JAG2: variants seen among roughly 807,000 people sequenced by gnomAD.
JAG2 encodes jagged canonical Notch ligand 2, also known as protein jagged-2.
In JAG2, 46 loss-of-function variants were observed where a neutral mutation model predicts 141.7. The observed-to-expected ratio is 0.32, with a 90% CI of 0.26 to 0.42. The LOEUF is 0.42. Among genes scored for constraint, JAG2 ranks in the 10% least tolerant of loss-of-function variants. The pLI is 1.00. For synonymous variants in JAG2, 862 were observed against 763.5 expected (o/e 1.13, Z -2.13); for missense variants, 1,500 against 1,817.5 (o/e 0.83, Z 3.18).
Position 105,151,031 on chromosome 14 carries a change from A to G in JAG2, c.1341T>C (p.Cys447=), listed in dbSNP as rs1448992783. 6.2e-7 allele frequency: 1 copy of G among 1,613,154 alleles called. No homozygotes were observed. The highest frequency in any genetic ancestry group is 1.1e-5 in the South Asian group (1 of 91,066). The change falls in exon 10 of 26, where the codon TGT becomes TGC. Residue 447 remains cysteine (C), a synonymous_variant. Transcript: ENST00000331782. ...SCKNLIGGYY[C]DCIPGWKGIN... ...TGCCCTTCCAGCCCGGGATGCAATC[A>G]CAGTAATAGCCGCCAATCAGGTTTT...
rs370539336 is a variant in JAG2 at position 105,146,584 on chromosome 14, A to G, written c.2593+27T>C. On this transcript the variant is annotated intron_variant, in intron 21 of 25. Transcript: ENST00000331782. ...TCACCCATGCCCCCCAACCCGCCCC[A>G]ACCCAGGGCAATCACACGGGGCCTA... 1.9e-5 allele frequency: 31 copies of G among 1,602,884 alleles called. No individual in the cohort carries two copies. In the African/African-American group the frequency reaches 3.7e-4, roughly 19 times the overall value.
At chr14:105,163,151 G>A (rs587634299) in intron 2 of JAG2, among the ~76,000 whole-genome samples, 13 of 152,326 alleles carry the variant, frequency 8.5e-5, no homozygotes, top group African/African-American at 2.6e-4. Flanking sequence ...GGAGCACAGC[G>A]CTTGGTGCAG....
intron 2 of JAG2, among the ~76,000 whole-genome samples, chr14:105,158,632 G>A (rs1888645268): frequency 6.6e-6 from 1 of 151,968 alleles, no homozygotes; most frequent in African/African-American, 2.4e-5. Context: ...GACATGCCCT[G>A]TACTACCCAG....
chr14:105,166,293 C>G (rs1248157223), intron 2 of JAG2, among the ~76,000 whole-genome samples: 1 of 152,264 alleles, frequency 6.6e-6, no homozygotes. Flanking sequence ...CCCCCACACC[C>G]ACTGCTGCCA....
rs1010282236 is a variant in JAG2, at chr14:105,167,566, C to T, written c.417+191G>A. Among the ~76,000 whole-genome samples the T allele has an allele frequency of 2.7e-5, 4 of 147,286 alleles. No individual in the cohort carries two copies. Among genetic ancestry groups the T allele is most frequent in the African/African-American group, 9.8e-5 (4 of 40,878 alleles). ...GACCCCGCTCCCGGTGGCCCCGGGG[C>T]CCCGGCGCGCCCACGTGGCCAGGCG... On this transcript the variant is annotated intron_variant, in intron 2 of 25. Transcript: ENST00000331782. This position sits in a 1 kb window ranked among gnomAD's most constrained non-coding sequence, Gnocchi z 4.8.
chr14:105,166,363 G>A (rs1463329527), intron 2 of JAG2, among the ~76,000 whole-genome samples: 2 of 152,282 alleles, frequency 1.3e-5, no homozygotes, highest in Non-Finnish European at 2.9e-5. Context: ...TCAGGCCCAG[G>A]TGCAGATGAC....
At position 105,150,894 on chromosome 14, in the gene JAG2, C is replaced by T. The variant is rs780937932; in HGVS notation, c.1399G>A (p.Gly467Arg). ...CAGGTGCCCCCATGCTGACACTGCC[C>T]GCGACAGTCGTTGACGTCTGGGGGC... ...NCHINVNDCR[G>R]QCQHGGTCKD... Residue 467 changes from glycine (G) to arginine (R), a missense_variant, in exon 11 of 26, where the codon GGG becomes AGG. Transcript: ENST00000331782. 4.4e-6 allele frequency: 7 copies of T among 1,590,926 alleles called. No individual in the cohort carries two copies. Among genetic ancestry groups the T allele is most frequent in the East Asian group, 2.3e-5 (1 of 43,572 alleles).
At position 105,146,452 on chromosome 14, in the gene JAG2, T is replaced by C; in HGVS notation, c.2642A>G (p.His881Arg). The C allele has an allele frequency of 6.2e-7, 1 of 1,612,726 alleles. No individual in the cohort carries two copies. Among genetic ancestry groups the C allele is most frequent in the Non-Finnish European group, 8.5e-7 (1 of 1,179,882 alleles). ...GCAGTCTTCCACCCAGGAGCTTCCG[T>C]GTGGGAACGGAGTGCCCCGGGACCA... is the stretch of plus-strand genomic sequence containing the variant. ...SCWSRGTPFP[H>R]GSSWVEDCNS... The change falls in exon 22 of 26, where the codon CAC (histidine) becomes CGC (arginine). Residue 881 changes from histidine (H) to arginine (R), a missense_variant. Transcript: ENST00000331782.
At chr14:105,143,203 G>A (rs375246254) in intron 25 of JAG2, 33 bp from the exon 26 acceptor site, 159 of 1,583,680 alleles carry the variant, frequency 1.0e-4, no homozygotes, top group Admixed American at 1.5e-4. Context: ...GGTGGGCAAT[G>A]AGGCCTGGGC....
In JAG2 at chr14:105,154,068, C is replaced by T. The variant is rs77103852; in HGVS notation, c.788+1494G>A. ...CTTGCCTCCCCGCTCTGGGACTGGC[C>T]GGGAAAGCTCCTCACTGTACCCTCC... is the stretch of plus-strand genomic sequence containing the variant. On this transcript the variant is annotated intron_variant, in intron 5 of 25. Transcript: ENST00000331782. This position sits in a 1 kb window ranked among gnomAD's most constrained non-coding sequence, Gnocchi z 4.4. 3.2e-3 allele frequency among the ~76,000 whole-genome samples: 489 copies of T among 152,144 alleles called. 3 individuals are homozygous for T. Among genetic ancestry groups the T allele is most frequent in the African/African-American group, 0.011 (457 of 41,486 alleles).
In JAG2 at chr14:105,149,068, T is replaced by A. The variant is rs1481082995; in HGVS notation, c.1775A>T (p.Asp592Val). ...ACRVIDGCGS[D>V]AGPGMPGTAA... is the part of the protein sequence containing the mutation. ...TGTGCCAGGCATCCCAGGCCCCGCG[T>A]CTGACCCGCAGCCATCGATCACTAT... Residue 592 changes from aspartate to valine, a missense_variant, in exon 14 of 26, where the codon GAC becomes GTC. Around this residue, in one of 3 missense-constraint regions of JAG2, gnomAD observed 875 missense variants for 1,202.2 expected, o/e 0.73. Transcript: ENST00000331782. 6.2e-7 allele frequency: 1 copy of A among 1,609,692 alleles called. No homozygotes were observed. The highest frequency in any genetic ancestry group is 8.5e-7 in the Non-Finnish European group (1 of 1,178,966).
intron 5 of JAG2, among the ~76,000 whole-genome samples, chr14:105,152,998 T>C (rs1420314761): frequency 1.3e-5 from 2 of 151,634 alleles, no homozygotes; most frequent in Non-Finnish European, 2.9e-5. Flanking sequence ...GTGGCCAGGG[T>C]AGAACATGGC....
intron 2 of JAG2, among the ~76,000 whole-genome samples, chr14:105,158,398 G>A (rs1467333610): frequency 6.6e-6 from 1 of 152,134 alleles, no homozygotes; most frequent in Non-Finnish European, 1.5e-5. Flanking sequence ...CGGTACAGTT[G>A]GGGAAACTGA....
rs986261056 is a variant in JAG2, at chr14:105,167,326, G to C, written c.417+431C>G. Among the ~76,000 whole-genome samples the C allele has an allele frequency of 2.6e-5, 4 of 152,194 alleles. No individual in the cohort carries two copies. Among genetic ancestry groups the C allele is most frequent in the African/African-American group, 9.6e-5 (4 of 41,516 alleles). On this transcript the variant is annotated intron_variant, in intron 2 of 25. Coordinates refer to ENST00000331782, the MANE Select transcript of JAG2 (RefSeq NM_002226.5). This position sits in a 1 kb window ranked among gnomAD's most constrained non-coding sequence, Gnocchi z 4.8. ...GTGCCCCCCAGGCATCCAGGAAACT[G>C]CAGGGCAGGCGCAGGCTGGCCACGG... is the stretch of plus-strand genomic sequence containing the variant.
intron 24 of JAG2, 28 bp from the exon 25 acceptor site, chr14:105,143,666 T>C (rs1237174359): frequency 3.1e-6 from 5 of 1,601,886 alleles, no homozygotes; most frequent in Admixed American, 1.7e-5. Flanking sequence ...ATTGTGGGGA[T>C]GGCTCGAGGG....
In JAG2 at chr14:105,147,513, T is replaced by C; in HGVS notation, c.2380A>G (p.Asn794Asp). The C allele has an allele frequency of 1.2e-6, 2 of 1,612,324 alleles. No individual in the cohort carries two copies. The part of the protein sequence containing the change: ...RTCTHNTNDC[N>D]PLPCYNGGIC... ...GGTGCCACTCACCAAGGCAGAGGGT[T>C]GCAGTCGTTGGTATCTGGTTTGGGA... The change falls in exon 19 of 26, where the codon AAC becomes GAC. Residue 794 changes from asparagine to aspartate, a missense_variant. Physicochemically the swap from Asn to Asp is conservative, Grantham distance 23. Coordinates refer to ENST00000331782, the MANE Select transcript of JAG2 (RefSeq NM_002226.5).
chr14:105,145,477 A>G (rs1380981865), intron 23 of JAG2, among the ~76,000 whole-genome samples: 3 of 152,212 alleles, frequency 2.0e-5, no homozygotes, highest in Non-Finnish European at 2.9e-5. Context: ...TGGCGCCGTC[A>G]GTCCAGGCCC....
chr14:105,159,443 G>A (rs1010219297), intron 2 of JAG2, among the ~76,000 whole-genome samples: 9 of 151,616 alleles, frequency 5.9e-5, no homozygotes, highest in African/African-American at 1.7e-4. Flanking sequence ...CCAGGCCACG[G>A]GGCCCAGTCC....
rs879594267 is a variant in JAG2, at chr14:105,142,519, T to G, written c.*176A>C. ...ACTCCATTGTTTTCAGCCTGACAGTTACTGAATAATTTATACAAGGTTAAA... is the reference window on the plus strand; with the variant it reads ...ACTCCATTGTTTTCAGCCTGACAGTGACTGAATAATTTATACAAGGTTAAA... On this transcript the variant is annotated 3_prime_UTR_variant, in exon 26 of 26. Transcript: ENST00000331782. 1.7e-6 allele frequency: 1 copy of G among 600,570 alleles called. No individual in the cohort carries two copies. Among genetic ancestry groups the G allele is most frequent in the Non-Finnish European group, 2.9e-6 (1 of 340,292 alleles). The allele number at this position is 600,570 out of a possible 1,614,324, so 37.2% of individuals were successfully genotyped here.
Sources: gnomAD v4.1 joint callset for allele counts (sites outside exome capture counted in the v4.1 genomes callset) on GRCh38, gnomAD v4.1.1 for gene constraint, gnomAD v4.1.1 regional missense constraint, Gnocchi (gnomAD v3.1) non-coding constraint, MANE v1.5 for transcripts, NCBI Gene and HGNC (gene_info 2026-07-23, HGNC 2026-07-21) for gene names.